Variants in TMEM132C observed in about 807,000 individuals in gnomAD.
The protein encoded by TMEM132C is transmembrane protein 132C, also known as protein phosphatase 1, regulatory subunit 152.
TMEM132C carries 29 observed loss-of-function variants against 61.4 expected under a neutral mutation model. That is an observed-to-expected ratio of 0.47 (90% CI 0.35 to 0.64). TMEM132C has a LOEUF of 0.64. TMEM132C is among the 30% of genes least tolerant of loss of function. The pLI, the probability that TMEM132C is intolerant of heterozygous loss-of-function variation, is 0.00. For synonymous variants in TMEM132C, 656 were observed against 633.1 expected, an observed-to-expected ratio of 1.04 and a Z score of -0.54; for missense variants, 1,408 against 1,476.9, an observed-to-expected ratio of 0.95 and a Z score of 0.76.
chr12:128,696,625 A>C (rs150251392), intron 7 of TMEM132C, among the ~76,000 whole-genome samples: 1 of 152,192 alleles, frequency 6.6e-6, no homozygotes, highest in Non-Finnish European at 1.5e-5. Context: ...ATGATGGGGC[A>C]TGAACAGCCT....
intron 2 of TMEM132C, among the ~76,000 whole-genome samples, chr12:128,472,637 G>C (rs887362159): frequency 4.6e-5 from 7 of 152,176 alleles, no homozygotes; most frequent in African/African-American, 1.4e-4. Flanking sequence ...TGAATTCCAA[G>C]GGGAGATAAT....
At chr12:128,318,265 T>A (rs1250945232) in intron 1 of TMEM132C, among the ~76,000 whole-genome samples, 1 of 152,216 alleles carries the variant, frequency 6.6e-6, no homozygotes, top group Non-Finnish European at 1.5e-5. Context: ...AATGGCTCTT[T>A]ATCAGTAATG....
In TMEM132C at chr12:128,469,822, G is replaced by A. The variant is rs377012375; in HGVS notation, c.974+54202G>A. Reference sequence around the variant, plus strand: ...TTTATGTGTGTATATATATACACACGTGCATTTATATACATAAATGTACCT... The same window carrying A: ...TTTATGTGTGTATATATATACACACATGCATTTATATACATAAATGTACCT... On this transcript the variant is annotated intron_variant, in intron 2 of 8. Transcript: ENST00000435159. Among the ~76,000 whole-genome samples, 15 of 149,974 alleles carry A rather than the reference G, an allele frequency of 1.0e-4. No homozygotes were observed. The East Asian group carries it at 1.6e-3, about 16-fold the overall frequency.
At chr12:128,694,114 T>A (rs1266074671) in intron 6 of TMEM132C, 80 bp downstream of exon 6, 17 of 1,415,060 alleles carry the variant, frequency 1.2e-5, no homozygotes, top group Non-Finnish European at 1.5e-5. Context: ...GACCCAATGC[T>A]TAAGAGATGC....
chr12:128,683,963 T>C (rs1954654643), intron 5 of TMEM132C, among the ~76,000 whole-genome samples: 1 of 144,880 alleles, frequency 6.9e-6, no homozygotes, highest in Non-Finnish European at 1.5e-5. Flanking sequence ...CAAAACTCTG[T>C]TTGAAATTAA....
At chr12:128,610,995 G>A (rs942624301) in intron 3 of TMEM132C, among the ~76,000 whole-genome samples, 2 of 152,158 alleles carry the variant, frequency 1.3e-5, no homozygotes, top group African/African-American at 2.4e-5. Flanking sequence ...GCCTGAATGC[G>A]ATGTCAAGTC....
chr12:128,676,463 G>T (rs1452808622), intron 5 of TMEM132C, among the ~76,000 whole-genome samples: 1 of 152,026 alleles, frequency 6.6e-6, no homozygotes, highest in Non-Finnish European at 1.5e-5. Flanking sequence ...TATAAAATTT[G>T]TCTACAATAA....
intron 1 of TMEM132C, among the ~76,000 whole-genome samples, chr12:128,272,989 T>G (rs1260369118): frequency 6.6e-6 from 1 of 152,188 alleles, no homozygotes; most frequent in Admixed American, 6.5e-5. Flanking sequence ...TAATGATGTT[T>G]AGTTTATTAA....
Position 128,538,157 on chromosome 12 carries a change from G to T in TMEM132C, c.975-5800G>T, listed in dbSNP as rs143098944. ...TATTTTGAGATGGAGTCTCGTTCTT[G>T]TTGCCCAGGCTGGAGTGCAGTGGCA... is the stretch of plus-strand genomic sequence containing the variant. On this transcript the variant is annotated intron_variant, in intron 2 of 8. Transcript: ENST00000435159. Among the ~76,000 whole-genome samples the T allele has an allele frequency of 2.0e-3, 301 of 152,296 alleles. 2 individuals are homozygous for T. The highest frequency in any genetic ancestry group is 6.8e-3 in the African/African-American group (284 of 41,566).
intron 1 of TMEM132C, 132 bp downstream of exon 1, chr12:128,267,619 G>C (rs1189343836): frequency 1.4e-6 from 1 of 738,286 alleles, no homozygotes; most frequent in Non-Finnish European, 1.8e-6. Flanking sequence ...CATCAACAGC[G>C]CCTCTGCGGG....
At chr12:128,400,902 C>A (rs1401123207) in intron 1 of TMEM132C, among the ~76,000 whole-genome samples, 1 of 151,656 alleles carries the variant, frequency 6.6e-6, no homozygotes, top group African/African-American at 2.4e-5. Flanking sequence ...AGCCACCGCA[C>A]CTGCCTGCCC....
chr12:128,699,008 T>A (rs748602149), intron 8 of TMEM132C, among the ~76,000 whole-genome samples: 1 of 152,154 alleles, frequency 6.6e-6, no homozygotes, highest in Non-Finnish European at 1.5e-5. Context: ...GTCTAGGGGC[T>A]TGTGTTCTTC....
chr12:128,275,259 C>A (rs564210672), intron 1 of TMEM132C, among the ~76,000 whole-genome samples: 1 of 152,248 alleles, frequency 6.6e-6, no homozygotes, highest in Admixed American at 6.5e-5. Flanking sequence ...GCAATGCTTC[C>A]TCTGAATTTA....
intron 2 of TMEM132C, among the ~76,000 whole-genome samples, chr12:128,498,546 A>G (rs1426025653): frequency 6.6e-6 from 1 of 152,156 alleles, no homozygotes; most frequent in African/African-American, 2.4e-5. Context: ...TTGGTGGTGC[A>G]TGCCTGTAAT....
At chr12:128,358,774 A>G (rs74777556) in intron 1 of TMEM132C, among the ~76,000 whole-genome samples, 1 of 152,164 alleles carries the variant, frequency 6.6e-6, no homozygotes, top group South Asian at 2.1e-4. Context: ...AACATTTAAA[A>G]GAAAAAAATG....
At chr12:128,653,913 G>GGGAAT (rs1219559814) in intron 4 of TMEM132C, among the ~76,000 whole-genome samples, 1 of 152,142 alleles carries the variant, frequency 6.6e-6, no homozygotes, top group Non-Finnish European at 1.5e-5. Flanking sequence ...CCAGAAGGGC[G>GGGAAT]GGAATCCAAG....
chr12:128,554,097 C>T (rs1270318345), intron 3 of TMEM132C, among the ~76,000 whole-genome samples: 1 of 152,254 alleles, frequency 6.6e-6, no homozygotes, highest in African/African-American at 2.4e-5. Flanking sequence ...TTTTGGAAAC[C>T]TTTCCTGGGA....
chr12:128,287,137 G>T (rs186335720), intron 1 of TMEM132C, among the ~76,000 whole-genome samples: 59 of 152,248 alleles, frequency 3.9e-4, no homozygotes, highest in African/African-American at 1.3e-3. Context: ...TTGCTGGGGT[G>T]GGGGAGTGTC....
chr12:128,613,141 G>A (rs871479), intron 3 of TMEM132C, among the ~76,000 whole-genome samples: 179 of 152,298 alleles, frequency 1.2e-3, no homozygotes, highest in Non-Finnish European at 2.0e-3. Context: ...TGGACATTTG[G>A]ATGGTTGCCA....
Sources: gnomAD v4.1 joint callset for allele counts (sites outside exome capture counted in the v4.1 genomes callset) on GRCh38, gnomAD v4.1.1 for gene constraint, MANE v1.5 for transcripts, NCBI Gene and HGNC (gene_info 2026-07-23, HGNC 2026-07-21) for gene names.